Variants in CHRM2 observed in about 807,000 individuals in gnomAD.
The protein encoded by CHRM2 is cholinergic receptor muscarinic 2.
A neutral mutation model predicts 25.0 loss-of-function variants in CHRM2; 8 were observed. The observed-to-expected ratio is 0.32, with a 90% CI of 0.19 to 0.58. The LOEUF (loss-of-function observed/expected upper bound fraction) is 0.58, where lower values mean the gene tolerates loss of function less well. Ranked by LOEUF, CHRM2 falls within the 20% of genes least tolerant of loss-of-function variation. The probability of loss-of-function intolerance (pLI) is 0.88; values close to 1 mark genes in which losing one functional copy is unlikely to be tolerated. For synonymous variants in CHRM2, 202 were observed against 205.7 expected (o/e 0.98, Z 0.15); for missense variants, 440 against 567.1 (o/e 0.78, Z 2.28).
chr7:136,882,309 C>A (rs568462645), intron 2 of CHRM2, among the ~76,000 whole-genome samples: 1 of 151,978 alleles, frequency 6.6e-6, no homozygotes, highest in Admixed American at 6.6e-5. Context: ...TGATATTCTC[C>A]GGTTTCATTA....
intron 3 of CHRM2, among the ~76,000 whole-genome samples, chr7:136,998,682 A>G (rs1340347732): frequency 6.6e-6 from 1 of 152,190 alleles, no homozygotes; most frequent in African/African-American, 2.4e-5. Flanking sequence ...GTTTAGATCA[A>G]CATTTCTGTT....
At chr7:136,930,410 A>G (rs1339174635) in intron 2 of CHRM2, among the ~76,000 whole-genome samples, 2 of 152,164 alleles carry the variant, frequency 1.3e-5, no homozygotes, top group African/African-American at 4.8e-5. Context: ...GGAAATGCAG[A>G]TGCTCGGGTC....
At position 137,019,460 on chromosome 7, in the gene CHRM2, T is replaced by A. The variant is rs1454806174; in HGVS notation, c.*3194T>A. 1 of 151,902 alleles carries A rather than the reference T, an allele frequency of 6.6e-6. No homozygotes were observed. Among genetic ancestry groups the A allele is most frequent in the East Asian group, 1.9e-4 (1 of 5,148 alleles). 9.4% of individuals were successfully genotyped at this position (151,902 alleles called of 1,614,324 possible). On this transcript the variant is annotated 3_prime_UTR_variant, in exon 4 of 4. Transcript: ENST00000680005. ...AATATTTGCAGTTGATATGATCAGT[T>A]TCTACTGGAGCTGCAATTTTTCCTT...
intron 2 of CHRM2, among the ~76,000 whole-genome samples, chr7:136,908,555 ACTTTT>A (rs933714307): frequency 4.9e-4 from 75 of 152,060 alleles, no homozygotes; most frequent in African/African-American, 1.7e-3. Flanking sequence ...AGGTGAGGCC[ACTTTT>A]CTTTATACAT....
intron 3 of CHRM2, among the ~76,000 whole-genome samples, chr7:137,000,696 C>G (rs757022547): frequency 2.0e-5 from 3 of 151,484 alleles, no homozygotes; most frequent in Non-Finnish European, 1.5e-5. Flanking sequence ...TTTGCTTTAC[C>G]ATCACATTAT....
At chr7:136,959,194 T>C (rs1285730787) in intron 2 of CHRM2, among the ~76,000 whole-genome samples, 1 of 152,204 alleles carries the variant, frequency 6.6e-6, no homozygotes, top group Admixed American at 6.5e-5. Flanking sequence ...CAATTAAAAA[T>C]AGTTTGAGAA....
intron 2 of CHRM2, among the ~76,000 whole-genome samples, chr7:136,921,016 C>A (rs1798398453): frequency 6.6e-6 from 1 of 152,120 alleles, no homozygotes; most frequent in African/African-American, 2.4e-5. Context: ...TGCCCTAGAA[C>A]CTCAGGAATG....
At chr7:137,008,724 A>G (rs1383213592) in intron 3 of CHRM2, among the ~76,000 whole-genome samples, 1 of 152,132 alleles carries the variant, frequency 6.6e-6, no homozygotes, top group Admixed American at 6.6e-5. Context: ...ACAAGTATAA[A>G]TTAAACATTA....
intron 2 of CHRM2, among the ~76,000 whole-genome samples, chr7:136,949,697 T>C (rs753072380): frequency 2.6e-5 from 4 of 151,948 alleles, no homozygotes; most frequent in Non-Finnish European, 4.4e-5. Flanking sequence ...TATTTCTTTA[T>C]CTTGAAAAAG....
At chr7:136,934,755 A>C (rs972241693) in intron 2 of CHRM2, among the ~76,000 whole-genome samples, 1 of 141,332 alleles carries the variant, frequency 7.1e-6, no homozygotes, top group African/African-American at 2.4e-5. Flanking sequence ...ACCAAATACA[A>C]TCTCCAGAAA....
intron 2 of CHRM2, among the ~76,000 whole-genome samples, chr7:136,945,914 A>G (rs973875261): frequency 6.6e-6 from 1 of 152,172 alleles, no homozygotes; most frequent in African/African-American, 2.4e-5. Context: ...TAAGGCAGAC[A>G]CTTTTATTCT....
chr7:136,919,655 A>G (rs967556983), intron 2 of CHRM2, among the ~76,000 whole-genome samples: 1 of 152,068 alleles, frequency 6.6e-6, no homozygotes, highest in Admixed American at 6.6e-5. Flanking sequence ...AAACCCATGT[A>G]TAGTTCCCCC....
At chr7:137,013,100 C>G (rs774135972) in intron 3 of CHRM2, among the ~76,000 whole-genome samples, 2 of 151,544 alleles carry the variant, frequency 1.3e-5, no homozygotes, top group Admixed American at 6.6e-5. Context: ...CCTTTTTTGC[C>G]AAAACTCTAT....
intron 2 of CHRM2, among the ~76,000 whole-genome samples, chr7:136,981,229 C>G (rs1174803733): frequency 6.6e-6 from 1 of 152,054 alleles, no homozygotes; most frequent in Non-Finnish European, 1.5e-5. Context: ...TTTATTTGCA[C>G]AGAGGTGTTT....
chr7:136,896,786 G>T (rs2130589792), intron 2 of CHRM2, among the ~76,000 whole-genome samples: 1 of 152,250 alleles, frequency 6.6e-6, no homozygotes, highest in Non-Finnish European at 1.5e-5. Flanking sequence ...TGGTGGAGAT[G>T]TGGCTGCAGG....
intron 2 of CHRM2, chr7:136,871,440 T>G (rs1795836117): frequency 6.5e-6 from 1 of 152,682 alleles, no homozygotes. Flanking sequence ...CGCCAGCGCT[T>G]CTGTTCGCTT....
intron 2 of CHRM2, among the ~76,000 whole-genome samples, chr7:136,915,323 G>T (rs1798047857): frequency 6.6e-6 from 1 of 151,834 alleles, no homozygotes. Flanking sequence ...TTAAGGCTGT[G>T]CATGCACACC....
intron 2 of CHRM2, among the ~76,000 whole-genome samples, chr7:136,932,365 T>C (rs1799156341): frequency 6.6e-6 from 1 of 152,238 alleles, no homozygotes; most frequent in Non-Finnish European, 1.5e-5. Flanking sequence ...TGAATTCTTC[T>C]AAATGCTTAA....
intron 3 of CHRM2, among the ~76,000 whole-genome samples, chr7:137,001,636 T>C (rs556506406): frequency 2.0e-5 from 3 of 152,248 alleles, no homozygotes; most frequent in South Asian, 2.1e-4. Context: ...CGTGGCACAC[T>C]GGAGAGGGCC....
Sources: gnomAD v4.1 joint callset for allele counts (sites outside exome capture counted in the v4.1 genomes callset) on GRCh38, gnomAD v4.1.1 for gene constraint, MANE v1.5 for transcripts, NCBI Gene and HGNC (gene_info 2026-07-23, HGNC 2026-07-21) for gene names.